The following PLIN3 variants were observed in gnomAD, a reference collection of about 807,000 sequenced individuals.
PLIN3 encodes perilipin 3.
PLIN3 carries 30 observed loss-of-function variants against 35.9 expected under a neutral mutation model. That is an observed-to-expected ratio of 0.84 (90% CI 0.62 to 1.13). The LOEUF (loss-of-function observed/expected upper bound fraction) is 1.13. PLIN3 is among the 50% of genes most tolerant of loss of function. The pLI is 0.00. For synonymous variants in PLIN3, 261 were observed against 262.5 expected, an observed-to-expected ratio of 0.99 and a Z score of 0.06; for missense variants, 603 against 596.9, an observed-to-expected ratio of 1.01 and a Z score of -0.11.
At chr19:4,851,918 C>A in intron 5 of PLIN3, 98 bp downstream of exon 5, 1 of 1,272,672 alleles carries the variant, frequency 7.9e-7, no homozygotes. Context: ...AGGGACGAGG[C>A]GGCAGTGAGT....
At chr19:4,864,385 G>A (rs1395511983) in intron 1 of PLIN3, among the ~76,000 whole-genome samples, 3 of 151,518 alleles carry the variant, frequency 2.0e-5, no homozygotes, top group Non-Finnish European at 2.9e-5. Context: ...ACCTGACCTC[G>A]TGATCCACCC....
rs1361359702 is a variant in PLIN3, at chr19:4,861,426, ACAGT to A, written c.-17-19_-17-16del. 2 of 1,583,820 alleles carry A rather than the reference ACAGT, an allele frequency of 1.3e-6. No homozygotes were observed. The highest frequency in any genetic ancestry group is 1.7e-6 in the Non-Finnish European group (2 of 1,158,404). On this transcript the variant is annotated splice_polypyrimidine_tract_variant and intron_variant, in intron 1 of 7. Coordinates refer to ENST00000221957, the MANE Select transcript of PLIN3 (RefSeq NM_005817.5). ...TGCAGCAGACGCTGAGGAGAGAGGA[ACAGT>A]CAGGTACAGCCTGCCTGGCCCCACC...
chr19:4,842,797 A>C (rs2029937551), intron 7 of PLIN3, among the ~76,000 whole-genome samples: 1 of 152,110 alleles, frequency 6.6e-6, no homozygotes, highest in African/African-American at 2.4e-5. Flanking sequence ...AGACAGTTTT[A>C]GGCAGCAGGT....
intron 1 of PLIN3, among the ~76,000 whole-genome samples, chr19:4,864,105 G>A (rs1309546878): frequency 0.19 from 916 of 4,888 alleles, 8 homozygotes; most frequent in Middle Eastern, 0.5. Flanking sequence ...GCTAGTGTGT[G>A]TGTGTGTGTG....
chr19:4,859,394 C>T (rs1384563625), intron 4 of PLIN3, among the ~76,000 whole-genome samples, 196 bp downstream of exon 4: 3 of 152,186 alleles, frequency 2.0e-5, no homozygotes, highest in Admixed American at 6.6e-5. Flanking sequence ...TGGTTGCAGG[C>T]GCCTGTAATC....
intron 4 of PLIN3, among the ~76,000 whole-genome samples, chr19:4,855,644 G>A (rs867686521): frequency 1.9e-4 from 29 of 152,086 alleles, no homozygotes; most frequent in African/African-American, 6.3e-4. Context: ...TTCTGATCTC[G>A]TGATCCGCCC....
chr19:4,844,629 CA>C, intron 7 of PLIN3, 38 bp downstream of exon 7: 1 of 1,551,868 alleles, frequency 6.4e-7, no homozygotes. Flanking sequence ...ATCGGGACTC[CA>C]AGTACCCTAG....
intron 7 of PLIN3, among the ~76,000 whole-genome samples, chr19:4,841,435 C>T (rs758464642): frequency 3.4e-4 from 52 of 151,720 alleles, no homozygotes; most frequent in Non-Finnish European, 6.3e-4. Context: ...GGAGGGGATA[C>T]GTGGTTGGGA....
intron 5 of PLIN3, among the ~76,000 whole-genome samples, chr19:4,850,795 T>C (rs2030265416): frequency 6.6e-6 from 1 of 151,572 alleles, no homozygotes; most frequent in Non-Finnish European, 1.5e-5. Flanking sequence ...TGTCTCAAAC[T>C]CTTGACTTCA....
chr19:4,842,244 T>C (rs1021429034), intron 7 of PLIN3, among the ~76,000 whole-genome samples: 1 of 151,830 alleles, frequency 6.6e-6, no homozygotes, highest in African/African-American at 2.4e-5. Flanking sequence ...CTGGCAAACA[T>C]GACAGAACCC....
chr19:4,852,637 C>T (rs1439216555), intron 4 of PLIN3, among the ~76,000 whole-genome samples: 1 of 151,788 alleles, frequency 6.6e-6, no homozygotes, highest in Non-Finnish European at 1.5e-5. Context: ...TACCTCATTT[C>T]TTTCTTTCTT....
At chr19:4,856,662 C>CAA (rs1283196078) in intron 4 of PLIN3, among the ~76,000 whole-genome samples, 5 of 151,304 alleles carry the variant, frequency 3.3e-5, no homozygotes, top group African/African-American at 1.2e-4. Context: ...GCTGGGGAGA[C>CAA]AAACAATAAC....
chr19:4,866,002 C>T (rs900699727), intron 1 of PLIN3, among the ~76,000 whole-genome samples: 35 of 149,274 alleles, frequency 2.3e-4, no homozygotes, highest in South Asian at 1.3e-3. Context: ...GGATTACAGG[C>T]GTGAGCCACC....
chr19:4,845,610 T>C (rs1473742368), intron 6 of PLIN3, among the ~76,000 whole-genome samples: 1 of 151,584 alleles, frequency 6.6e-6, no homozygotes, highest in African/African-American at 2.4e-5. Context: ...TCTCTACATA[T>C]TACATAAAGT....
At chr19:4,840,555 T>G (rs897146827) in intron 7 of PLIN3, among the ~76,000 whole-genome samples, 1 of 152,150 alleles carries the variant, frequency 6.6e-6, no homozygotes, top group East Asian at 1.9e-4. Flanking sequence ...ATTTGGCCAC[T>G]AGTCAAATTC....
chr19:4,856,059 T>C (rs960865127), intron 4 of PLIN3, among the ~76,000 whole-genome samples: 1 of 151,940 alleles, frequency 6.6e-6, no homozygotes, highest in African/African-American at 2.4e-5. Context: ...AGGCACTCAA[T>C]AGCAAGTGGA....
chr19:4,854,720 C>A (rs1288649064), intron 4 of PLIN3, among the ~76,000 whole-genome samples: 10 of 152,134 alleles, frequency 6.6e-5, no homozygotes, highest in East Asian at 5.8e-4. Flanking sequence ...TCTGACAACA[C>A]CACCGTCCCC....
intron 5 of PLIN3, among the ~76,000 whole-genome samples, chr19:4,851,694 G>C (rs1395602968): frequency 6.6e-6 from 1 of 151,940 alleles, no homozygotes; most frequent in Admixed American, 6.6e-5. Context: ...GCAGGACCTT[G>C]TGGGCTGTGA....
intron 4 of PLIN3, among the ~76,000 whole-genome samples, chr19:4,856,270 AT>A (rs2030471767): frequency 6.6e-6 from 1 of 152,018 alleles, no homozygotes; most frequent in African/African-American, 2.4e-5. Context: ...CTTAATAAGC[AT>A]CTATCTGCAG....
Sources: allele counts gnomAD v4.1 joint callset (sites outside exome capture counted in the v4.1 genomes callset), GRCh38; gene constraint gnomAD v4.1.1; transcripts MANE v1.5; gene names NCBI Gene and HGNC (gene_info 2026-07-23, HGNC 2026-07-21).